The following PDLIM5 variants were observed in gnomAD, a reference collection of about 807,000 sequenced individuals.
The protein encoded by PDLIM5 is PDZ and LIM domain 5, also known as PDZ and LIM domain protein 5.
A neutral mutation model predicts 64.2 loss-of-function variants in PDLIM5; 34 were observed. The ratio of observed to expected loss-of-function variants is 0.53; its 90% CI spans 0.40 to 0.71. The LOEUF is 0.71. Among genes scored for constraint, PDLIM5 ranks in the 30% least tolerant of loss-of-function variants. The pLI, the probability that PDLIM5 is intolerant of heterozygous loss-of-function variation, is 0.00. For synonymous variants in PDLIM5, 253 were observed against 269.1 expected (o/e 0.94, Z 0.59); for missense variants, 683 against 733.6 (o/e 0.93, Z 0.80).
intron 5 of PDLIM5, 110 bp downstream of exon 5, chr4:94,576,144 A>G (rs956242974): frequency 8.0e-6 from 7 of 870,246 alleles, no homozygotes; most frequent in Non-Finnish European, 1.1e-5. Flanking sequence ...GAAGGAAGGG[A>G]GATGAAGTAT....
At chr4:94,550,930 TACAG>T (rs1333886265) in intron 3 of PDLIM5, among the ~76,000 whole-genome samples, 3 of 151,824 alleles carry the variant, frequency 2.0e-5, no homozygotes, top group African/African-American at 7.3e-5. Flanking sequence ...ATTAAATAGA[TACAG>T]AAAGAAGTAA....
chr4:94,455,653 G>T, intron 2 of PDLIM5: 1 of 778,438 alleles, frequency 1.3e-6, no homozygotes, highest in Non-Finnish European at 2.0e-6. Flanking sequence ...GTACATTTTT[G>T]AACTGTCCCT....
chr4:94,601,296 A>G (rs112379840), intron 7 of PDLIM5, among the ~76,000 whole-genome samples: 23 of 152,266 alleles, frequency 1.5e-4, no homozygotes, highest in Admixed American at 4.6e-4. Flanking sequence ...TCTCTGAGGT[A>G]TCTCTTATAA....
chr4:94,576,698 G>A (rs1735294676), intron 5 of PDLIM5, among the ~76,000 whole-genome samples: 1 of 152,182 alleles, frequency 6.6e-6, no homozygotes, highest in Non-Finnish European at 1.5e-5. Context: ...GTAAATTTAA[G>A]CCATTGGACA....
chr4:94,565,520 T>G (rs1456998695), intron 3 of PDLIM5, among the ~76,000 whole-genome samples: 1 of 152,166 alleles, frequency 6.6e-6, no homozygotes, highest in Non-Finnish European at 1.5e-5. Context: ...TGATGCCACT[T>G]CCTTTATTTT....
intron 6 of PDLIM5, among the ~76,000 whole-genome samples, chr4:94,586,061 T>A (rs1272518171): frequency 6.6e-6 from 1 of 152,056 alleles, no homozygotes; most frequent in African/African-American, 2.4e-5. Flanking sequence ...TCCCAGCTAC[T>A]TGGGAGCCTG....
At chr4:94,629,247 G>A (rs1402771994) in intron 8 of PDLIM5, among the ~76,000 whole-genome samples, 2 of 152,218 alleles carry the variant, frequency 1.3e-5, no homozygotes, top group Admixed American at 1.3e-4. Context: ...TACCTGGGAG[G>A]CTGAGGCAGG....
intron 7 of PDLIM5, among the ~76,000 whole-genome samples, chr4:94,610,651 T>C: frequency 6.6e-6 from 1 of 152,216 alleles, no homozygotes; most frequent in Non-Finnish European, 1.5e-5. Context: ...TAAGTTTCTA[T>C]TGATTTTATC....
In PDLIM5 at chr4:94,665,685, T is replaced by C. The variant is rs529347442; in HGVS notation, c.*1618T>C. ...CTCTTTGCAGAATGATCTTTTTGTT[T>C]CGTTTTGTTTCTTCTTCTGCATTTA... On this transcript the variant is annotated 3_prime_UTR_variant, in exon 13 of 13. Coordinates refer to ENST00000317968, the MANE Select transcript of PDLIM5 (RefSeq NM_006457.5). 1 of 1,086,360 alleles carries C rather than the reference T, an allele frequency of 9.2e-7. No individual in the cohort carries two copies. Among genetic ancestry groups the C allele is most frequent in the Middle Eastern group, 4.1e-4 (1 of 2,454 alleles). 67.3% of individuals were successfully genotyped at this position (1,086,360 alleles called of 1,614,324 possible). A position where few individuals can be genotyped will look rare whatever the true frequency, so the allele number is the denominator to read the frequency against.
intron 3 of PDLIM5, among the ~76,000 whole-genome samples, chr4:94,538,592 C>A (rs1400186639): frequency 6.6e-6 from 1 of 152,098 alleles, no homozygotes; most frequent in African/African-American, 2.4e-5. Flanking sequence ...TTACAATGTT[C>A]TTTTAGGTAT....
At chr4:94,496,718 G>C (rs1727430231) in intron 2 of PDLIM5, among the ~76,000 whole-genome samples, 1 of 152,156 alleles carries the variant, frequency 6.6e-6, no homozygotes. Flanking sequence ...TAGAACTCCT[G>C]GGCTTGCGTT....
chr4:94,643,068 T>G (rs935392251), intron 9 of PDLIM5, among the ~76,000 whole-genome samples: 3 of 152,040 alleles, frequency 2.0e-5, no homozygotes, highest in African/African-American at 7.2e-5. Flanking sequence ...TTTTATTTAT[T>G]TTTTTTTTTT....
chr4:94,535,998 C>T (rs918001994), intron 3 of PDLIM5, among the ~76,000 whole-genome samples: 7 of 152,034 alleles, frequency 4.6e-5, no homozygotes, highest in African/African-American at 1.4e-4. Context: ...CAATAATCTA[C>T]ATTTATTTAA....
intron 2 of PDLIM5, among the ~76,000 whole-genome samples, chr4:94,478,890 GTTTTTTTTTTTTTT>G (rs67013211): frequency 4.2e-5 from 4 of 94,124 alleles, no homozygotes; most frequent in Non-Finnish European, 7.8e-5. Flanking sequence ...TGTGCTTGGT[GTTTTTTTTTTTTTT>G]TTTTTTTTTT....
rs138265726 is a variant in PDLIM5, at chr4:94,547,481, A to G, written c.248+23606A>G. 9.0e-4 allele frequency among the ~76,000 whole-genome samples: 137 copies of G among 152,246 alleles called. 2 individuals are homozygous for G. The highest frequency in any genetic ancestry group is 3.1e-3 in the African/African-American group (129 of 41,546). On this transcript the variant is annotated intron_variant, in intron 3 of 12. Coordinates refer to ENST00000317968, the MANE Select transcript of PDLIM5 (RefSeq NM_006457.5). The stretch of plus-strand genomic sequence containing the variant: ...TCCACATTTGAGGGCCCTTGTGATT[A>G]CAGTAGGCCCACTGGATAATCTAGG...
chr4:94,489,640 ACAAGGCCTGG>A, intron 2 of PDLIM5, among the ~76,000 whole-genome samples: 1 of 152,096 alleles, frequency 6.6e-6, no homozygotes. Context: ...ATACAAAAAT[ACAAGGCCTGG>A]CACAGTGGCT....
At chr4:94,555,243 G>A (rs1733178231) in intron 3 of PDLIM5, among the ~76,000 whole-genome samples, 1 of 4,708 alleles carries the variant, frequency 2.1e-4, no homozygotes, top group Non-Finnish European at 4.3e-3. Context: ...TAGTAGAGAT[G>A]GGGTTTCCCC....
chr4:94,550,048 T>C (rs2110207768), intron 3 of PDLIM5: 1 of 152,258 alleles, frequency 6.6e-6, no homozygotes, highest in African/African-American at 2.4e-5. Context: ...AGTGGTATAG[T>C]ATCCAGCATA....
chr4:94,641,601 C>T (rs1741010699), intron 9 of PDLIM5, among the ~76,000 whole-genome samples: 1 of 152,176 alleles, frequency 6.6e-6, no homozygotes, highest in Admixed American at 6.5e-5. Context: ...CCAAGGTAAC[C>T]TCTATTATCT....
Sources: allele counts gnomAD v4.1 joint callset (sites outside exome capture counted in the v4.1 genomes callset), GRCh38; gene constraint gnomAD v4.1.1; transcripts MANE v1.5; gene names NCBI Gene and HGNC (gene_info 2026-07-23, HGNC 2026-07-21).